Variants in SPTLC2 observed in about 807,000 individuals in gnomAD.
SPTLC2 encodes the protein serine palmitoyltransferase long chain base subunit 2.
A neutral mutation model predicts 62.0 loss-of-function variants in SPTLC2; 21 were observed. The ratio of observed to expected loss-of-function variants is 0.34; its 90% CI spans 0.24 to 0.49. The LOEUF is 0.49. Ranked by LOEUF, SPTLC2 falls within the 20% of genes least tolerant of loss-of-function variation. The pLI is 0.99. For synonymous variants in SPTLC2, 261 were observed against 261.8 expected, an observed-to-expected ratio of 1.00 and a Z score of 0.03; for missense variants, 511 against 713.0, an observed-to-expected ratio of 0.72 and a Z score of 3.23.
At chr14:77,582,670 C>T (rs1174050643) in intron 2 of SPTLC2, among the ~76,000 whole-genome samples, 1 of 152,162 alleles carries the variant, frequency 6.6e-6, no homozygotes, top group Non-Finnish European at 1.5e-5. Context: ...ATTTCCTGAA[C>T]AAAGAATTGT....
chr14:77,533,692 T>C (rs1441903029), intron 9 of SPTLC2, among the ~76,000 whole-genome samples: 2 of 152,186 alleles, frequency 1.3e-5, no homozygotes, highest in African/African-American at 4.8e-5. Flanking sequence ...CTCCATTTAT[T>C]CAGGAAATTT....
intron 9 of SPTLC2, among the ~76,000 whole-genome samples, chr14:77,534,178 T>TCACACACA (rs199819444): frequency 9.6e-5 from 11 of 114,992 alleles, no homozygotes; most frequent in African/African-American, 2.9e-4. Flanking sequence ...TCTCTCTCTC[T>TCACACACA]CACACACACA....
At chr14:77,563,218 AG>A (rs1385819280) in intron 5 of SPTLC2, among the ~76,000 whole-genome samples, 55 of 152,206 alleles carry the variant, frequency 3.6e-4, no homozygotes, top group African/African-American at 1.2e-3. Flanking sequence ...AAAAGGGTGC[AG>A]AAAGTATATA....
intron 1 of SPTLC2, among the ~76,000 whole-genome samples, chr14:77,616,132 G>C (rs1172827456): frequency 1.3e-5 from 2 of 152,204 alleles, no homozygotes; most frequent in Admixed American, 6.5e-5. Context: ...AGTCCGAAGG[G>C]CCCCTCATCG....
intron 2 of SPTLC2, among the ~76,000 whole-genome samples, chr14:77,590,834 G>A (rs952236387): frequency 4.6e-5 from 7 of 152,190 alleles, no homozygotes; most frequent in Admixed American, 1.3e-4. Context: ...GGGTGCCCTG[G>A]GTAGAACAGA....
chr14:77,518,995 A>G (rs1451659442), intron 10 of SPTLC2, among the ~76,000 whole-genome samples: 1 of 152,164 alleles, frequency 6.6e-6, no homozygotes, highest in Non-Finnish European at 1.5e-5. Context: ...CCACATCTGT[A>G]TCTTGTCTAA....
At chr14:77,610,821 GGATC>G (rs2079931428) in intron 1 of SPTLC2, among the ~76,000 whole-genome samples, 1 of 151,788 alleles carries the variant, frequency 6.6e-6, no homozygotes, top group South Asian at 2.1e-4. Flanking sequence ...CAAGGCAGGA[GGATC>G]GATTGTACCC....
chr14:77,587,575 T>C (rs2079788891), intron 2 of SPTLC2, among the ~76,000 whole-genome samples: 1 of 151,998 alleles, frequency 6.6e-6, no homozygotes, highest in Non-Finnish European at 1.5e-5. Flanking sequence ...GAGACCAGCC[T>C]GGCCAACATG....
At chr14:77,539,493 T>TC in intron 9 of SPTLC2, among the ~76,000 whole-genome samples, 1 of 120,108 alleles carries the variant, frequency 8.3e-6, no homozygotes, top group Non-Finnish European at 1.8e-5. Flanking sequence ...CTTTTTTTTT[T>TC]TTTTTTTTTT....
At chr14:77,566,507 C>T (rs73303267) in intron 5 of SPTLC2, among the ~76,000 whole-genome samples, 25,213 of 152,168 alleles carry the variant, frequency 0.17, 2,153 homozygotes, top group Admixed American at 0.22. Context: ...TAATTATTGC[C>T]CAGGCTGGAG....
chr14:77,551,959 G>A, intron 9 of SPTLC2, 137 bp downstream of exon 9: 2 of 1,304,630 alleles, frequency 1.5e-6, no homozygotes, highest in Non-Finnish European at 2.1e-6. Context: ...CTAAAAAAGT[G>A]TCCATGGAAA....
intron 7 of SPTLC2, among the ~76,000 whole-genome samples, chr14:77,556,279 C>G (rs992945967): frequency 6.6e-6 from 1 of 152,084 alleles, no homozygotes; most frequent in Non-Finnish European, 1.5e-5. Flanking sequence ...CGCCACTGCA[C>G]TCCAGCCTGG....
At chr14:77,611,551 C>T (rs1160839954) in intron 1 of SPTLC2, among the ~76,000 whole-genome samples, 3 of 151,722 alleles carry the variant, frequency 2.0e-5, no homozygotes, top group Non-Finnish European at 4.4e-5. Flanking sequence ...TCCGGCTAGG[C>T]GTGGTGGCTC....
chr14:77,509,210 A>C lies in SPTLC2; in HGVS notation c.*3074T>G, dbSNP rs1840903025. 6.6e-6 allele frequency: 1 copy of C among 152,198 alleles called. No homozygotes were observed. The highest frequency in any genetic ancestry group is 2.4e-5 in the African/African-American group (1 of 41,456). 9.4% of individuals were successfully genotyped at this position (152,198 alleles called of 1,614,324 possible). On this transcript the variant is annotated 3_prime_UTR_variant, in exon 12 of 12. Transcript: ENST00000216484. ...GTACTTTGGGGGTTATGGAGACTAG[A>C]AGCTTTTTTTAAAGGTAAGGATTTC...
intron 4 of SPTLC2, among the ~76,000 whole-genome samples, chr14:77,571,303 GAGTTTGAGACC>G (rs2079681144): frequency 6.6e-6 from 1 of 152,134 alleles, no homozygotes; most frequent in Non-Finnish European, 1.5e-5. Flanking sequence ...CTAAGGTCAG[GAGTTTGAGACC>G]AGCCTGGCAA....
intron 1 of SPTLC2, among the ~76,000 whole-genome samples, chr14:77,608,410 GAAAT>G (rs1057013012): frequency 3.3e-4 from 50 of 152,096 alleles, no homozygotes; most frequent in African/African-American, 1.1e-3. Context: ...CAAAAAAATA[GAAAT>G]AAAACTGTAT....
intron 2 of SPTLC2, among the ~76,000 whole-genome samples, chr14:77,587,230 C>CA (rs35395128): frequency 0.19 from 28,321 of 145,720 alleles, 3,103 homozygotes; most frequent in East Asian, 0.56. Flanking sequence ...GACTCAGTCT[C>CA]AAAAAAAAAA....
intron 2 of SPTLC2, among the ~76,000 whole-genome samples, chr14:77,596,823 C>T (rs1420411475): frequency 6.6e-6 from 1 of 152,198 alleles, no homozygotes; most frequent in African/African-American, 2.4e-5. Flanking sequence ...ATTCAGCATG[C>T]TGGTATGAAC....
At chr14:77,558,174 A>G (rs565111423) in intron 6 of SPTLC2, among the ~76,000 whole-genome samples, 1 of 152,030 alleles carries the variant, frequency 6.6e-6, no homozygotes, top group East Asian at 1.9e-4. Context: ...CAGCCTCCCA[A>G]GTAGCTCGGA....
Sources: gnomAD v4.1 joint callset for allele counts (sites outside exome capture counted in the v4.1 genomes callset) on GRCh38, gnomAD v4.1.1 for gene constraint, MANE v1.5 for transcripts, NCBI Gene and HGNC (gene_info 2026-07-23, HGNC 2026-07-21) for gene names.